The following UMAD1 variants were observed in gnomAD, a reference collection of about 807,000 sequenced individuals.
UMAD1 encodes the protein UBAP1-MVB12-associated (UMA)-domain containing protein 1.
In UMAD1, 8 loss-of-function variants were observed where a neutral mutation model predicts 6.1. That is an observed-to-expected ratio of 1.30 (90% CI 0.76 to 2.35). UMAD1 has a LOEUF of 2.35. Among genes scored for constraint, UMAD1 ranks in the 30% most tolerant of loss-of-function variants. The pLI is 0.00. For missense variants in UMAD1, 130 were observed against 78.4 expected (o/e 1.66, Z -2.49); for synonymous variants, 56 against 31.4 (o/e 1.78, Z -2.61).
chr7:7,652,354 A>AT (rs1785243156), intron 1 of UMAD1, among the ~76,000 whole-genome samples: 1 of 152,076 alleles, frequency 6.6e-6, no homozygotes, highest in African/African-American at 2.4e-5. Flanking sequence ...ATGGTCTCTG[A>AT]TTTTCAGTTG....
chr7:7,874,290 C>T (rs904892468), intron 3 of UMAD1, among the ~76,000 whole-genome samples: 8 of 152,198 alleles, frequency 5.3e-5, no homozygotes, highest in African/African-American at 1.9e-4. Flanking sequence ...CTGTCATTCC[C>T]AGCTATCTTC....
chr7:7,837,472 A>T (rs1321528220), intron 3 of UMAD1, among the ~76,000 whole-genome samples: 1 of 152,160 alleles, frequency 6.6e-6, no homozygotes, highest in Admixed American at 6.5e-5. Flanking sequence ...TAGAGAAGTG[A>T]TTAGAGTGAA....
chr7:7,769,979 G>A (rs560227986), intron 2 of UMAD1, among the ~76,000 whole-genome samples: 1 of 152,152 alleles, frequency 6.6e-6, no homozygotes, highest in East Asian at 1.9e-4. Flanking sequence ...ATGATTTCCA[G>A]CCTCAGCTCA....
At chr7:7,692,861 C>T (rs557214147) in intron 2 of UMAD1, among the ~76,000 whole-genome samples, 1 of 152,336 alleles carries the variant, frequency 6.6e-6, no homozygotes, top group South Asian at 2.1e-4. Context: ...CCTGCCTCGG[C>T]TTCCCACAGG....
At chr7:7,709,139 T>C (rs1780684513) in intron 2 of UMAD1, among the ~76,000 whole-genome samples, 1 of 152,214 alleles carries the variant, frequency 6.6e-6, no homozygotes, top group Admixed American at 6.5e-5. Context: ...TAAGGGATTT[T>C]GTAATGGTTA....
intron 2 of UMAD1, among the ~76,000 whole-genome samples, chr7:7,693,174 C>T (rs1398377217): frequency 6.6e-6 from 1 of 152,118 alleles, no homozygotes; most frequent in Non-Finnish European, 1.5e-5. Context: ...AGCTGTAGTT[C>T]TTCTAAAAGC....
chr7:7,717,127 G>A (rs1156440102), intron 2 of UMAD1, among the ~76,000 whole-genome samples: 1 of 149,724 alleles, frequency 6.7e-6, no homozygotes, highest in Admixed American at 6.6e-5. Flanking sequence ...CATGATCTTG[G>A]CTCACTGCAA....
At chr7:7,848,461 T>C (rs1783852204) in intron 3 of UMAD1, among the ~76,000 whole-genome samples, 1 of 152,110 alleles carries the variant, frequency 6.6e-6, no homozygotes, top group Admixed American at 6.6e-5. Flanking sequence ...TGTTCACAGT[T>C]TGGTTAAAAT....
intron 2 of UMAD1, among the ~76,000 whole-genome samples, chr7:7,683,896 T>TA (rs576815651): frequency 6.7e-4 from 102 of 152,344 alleles, no homozygotes; most frequent in Non-Finnish European, 1.2e-3. Flanking sequence ...CAGCTGGGAT[T>TA]ATAGGCGTGA....
At chr7:7,709,318 T>G (rs957767528) in intron 2 of UMAD1, among the ~76,000 whole-genome samples, 3 of 152,244 alleles carry the variant, frequency 2.0e-5, no homozygotes, top group African/African-American at 7.2e-5. Context: ...TAGAAACTTG[T>G]TCAATTGTGG....
intron 2 of UMAD1, among the ~76,000 whole-genome samples, chr7:7,758,213 C>G (rs1457840816): frequency 6.6e-6 from 1 of 151,964 alleles, no homozygotes; most frequent in Non-Finnish European, 1.5e-5. Flanking sequence ...TTGGCCTTGG[C>G]TGGATTTTTG....
At chr7:7,656,787 G>A (rs1785354370) in intron 1 of UMAD1, among the ~76,000 whole-genome samples, 1 of 152,178 alleles carries the variant, frequency 6.6e-6, no homozygotes, top group African/African-American at 2.4e-5. Context: ...GTGCGCATGT[G>A]TCTTTATGGT....
At chr7:7,731,211 A>G (rs1322858795) in intron 2 of UMAD1, among the ~76,000 whole-genome samples, 1 of 152,074 alleles carries the variant, frequency 6.6e-6, no homozygotes, top group Non-Finnish European at 1.5e-5. Flanking sequence ...CATGTTGGCC[A>G]GGATGGTTTT....
At chr7:7,687,588 C>T (rs1336652562) in intron 2 of UMAD1, among the ~76,000 whole-genome samples, 1 of 152,194 alleles carries the variant, frequency 6.6e-6, no homozygotes. Flanking sequence ...TTCACACCCA[C>T]TAAAAGCTGA....
At chr7:7,711,394 G>GTA (rs994293328) in intron 2 of UMAD1, among the ~76,000 whole-genome samples, 39 of 152,144 alleles carry the variant, frequency 2.6e-4, no homozygotes, top group Non-Finnish European at 2.4e-4. Context: ...GTTAACTTTA[G>GTA]TAAATCATGG....
At chr7:7,745,721 G>A (rs1781559476) in intron 2 of UMAD1, among the ~76,000 whole-genome samples, 1 of 152,184 alleles carries the variant, frequency 6.6e-6, no homozygotes, top group Admixed American at 6.5e-5. Flanking sequence ...GAATATCACT[G>A]AGTATATTTT....
At chr7:7,778,567 C>A (rs1179236656) in intron 2 of UMAD1, among the ~76,000 whole-genome samples, 1 of 151,968 alleles carries the variant, frequency 6.6e-6, no homozygotes, top group Non-Finnish European at 1.5e-5. Context: ...AGGCGTGTGC[C>A]ACCACAATTG....
Position 7,690,718 on chromosome 7 carries a change from T to G in UMAD1, c.82+17265T>G, listed in dbSNP as rs145075199. ...TGCTAAGGAGAGAAAGGAAGGTAAA[T>G]ATAGTATTGAGCTACCTTATATGAG... On this transcript the variant is annotated intron_variant, in intron 2 of 3. Transcript: ENST00000682710. Among the ~76,000 whole-genome samples, 772 of 152,226 alleles carry G rather than the reference T, an allele frequency of 5.1e-3. 7 individuals carry two copies. Among genetic ancestry groups the G allele is most frequent in the African/African-American group, 0.018 (733 of 41,522 alleles).
chr7:7,777,873 G>T (rs564005962), intron 2 of UMAD1, among the ~76,000 whole-genome samples: 20 of 152,202 alleles, frequency 1.3e-4, no homozygotes, highest in Non-Finnish European at 2.4e-4. Context: ...TCCTTTACCA[G>T]TAACTTCATT....
Sources: gnomAD v4.1 joint callset for allele counts (sites outside exome capture counted in the v4.1 genomes callset) on GRCh38, gnomAD v4.1.1 for gene constraint, MANE v1.5 for transcripts, NCBI Gene and HGNC (gene_info 2026-07-23, HGNC 2026-07-21) for gene names.